The following OGA variants were observed in gnomAD, a reference collection of about 807,000 sequenced individuals.
OGA encodes protein O-GlcNAcase.
A neutral mutation model predicts 102.0 loss-of-function variants in OGA; 21 were observed. That is an observed-to-expected ratio of 0.21 (90% CI 0.15 to 0.30). The LOEUF (loss-of-function observed/expected upper bound fraction) is 0.30. Ranked by LOEUF, OGA falls within the 10% of genes least tolerant of loss-of-function variation. The pLI, the probability that OGA is intolerant of heterozygous loss-of-function variation, is 1.00. For missense variants in OGA, 765 were observed against 1,107.8 expected (o/e 0.69, Z 4.39); for synonymous variants, 408 against 378.2 (o/e 1.08, Z -0.91).
At chr10:101,797,654 T>C (rs994779977) in intron 10 of OGA, 4 of 469,622 alleles carry the variant, frequency 8.5e-6, no homozygotes, top group Non-Finnish European at 1.1e-5. Context: ...TTTCATAGTG[T>C]CTCATCTCCA....
rs1464432648 is a variant in OGA, at chr10:101,785,614, A to G, written c.*837T>C. On this transcript the variant is annotated 3_prime_UTR_variant, in exon 16 of 16. Transcript: ENST00000361464. ...CACTTTAAAAATAATAAAACTTCAAAAAGAACAAAAACAACCCCAAACCCA... is the reference window on the plus strand; with the variant it reads ...CACTTTAAAAATAATAAAACTTCAAGAAGAACAAAAACAACCCCAAACCCA... The G allele has an allele frequency of 6.6e-6, 1 of 152,604 alleles. No individual in the cohort carries two copies. Among genetic ancestry groups the G allele is most frequent in the African/African-American group, 2.4e-5 (1 of 41,462 alleles). 9.5% of individuals were successfully genotyped at this position (152,604 alleles called of 1,614,324 possible).
rs750357754 is a variant in OGA at position 101,817,996 on chromosome 10, C to T, written c.27G>A (p.Thr9=). Residue 9 remains threonine, a synonymous_variant, in exon 1 of 16, where the codon ACG becomes ACA. Transcript: ENST00000361464. The stretch of plus-strand genomic sequence containing the variant: ...TGAGCTCGCTCTCCCGCTCCTCCAA[C>T]GTCGCTTGACTCTCCTTCTGCACCA... The part of the protein sequence containing the change: MVQKESQA[T]LEERESELSS... 1 of 1,603,180 alleles carries T rather than the reference C, an allele frequency of 6.2e-7. No homozygotes were observed. The highest frequency in any genetic ancestry group is 1.1e-5 in the South Asian group (1 of 90,458).
In OGA at chr10:101,791,099, G is replaced by A. The variant is rs770070654; in HGVS notation, c.2262-11C>T. ...AGCCCTCCTACTAACCTGCTCAGAA[G>A]GAAAGAGGCCACAGTAAACTTTTCA... On this transcript the variant is annotated splice_polypyrimidine_tract_variant and intron_variant, in intron 13 of 15. Coordinates refer to ENST00000361464, the MANE Select transcript of OGA (RefSeq NM_012215.5). 1 of 1,585,472 alleles carries A rather than the reference G, an allele frequency of 6.3e-7. No homozygotes were observed. The highest frequency in any genetic ancestry group is 1.2e-5 in the South Asian group (1 of 85,796).
In OGA at chr10:101,803,768, T is replaced by C; in HGVS notation, c.1003A>G (p.Asn335Asp). ...ACATCTTTTCTCACTCCATTCATGT[T>C]TGATTTGTACCAGGTGGCAAGGGTG... ...IHTLATWYKS[N>D]MNGVRKDVVM... The change falls in exon 7 of 16, where the codon AAC (asparagine) becomes GAC (aspartate). Residue 335 changes from asparagine to aspartate, a missense_variant. Physicochemically the swap from Asn to Asp is conservative, Grantham distance 23. Coordinates refer to ENST00000361464, the MANE Select transcript of OGA (RefSeq NM_012215.5). 1 of 1,614,182 alleles carries C rather than the reference T, an allele frequency of 6.2e-7. No individual in the cohort carries two copies. Among genetic ancestry groups the C allele is most frequent in the South Asian group, 1.1e-5 (1 of 91,084 alleles).
Position 101,798,961 on chromosome 10 carries a change from G to A in OGA, c.1690C>T (p.Leu564=). Residue 564 remains leucine, a synonymous_variant, in exon 9 of 16, where the codon CTA becomes TTA. Transcript: ENST00000361464. ...TLEDLQLLAD[L]FYLPYEHGPK... is the part of the protein sequence containing the mutation. ...CCATGCTCGTAAGGAAGGTAGAATA[G>A]ATCAGCAAGTAACTGCAAATCCTCC... 1 of 1,614,200 alleles carries A rather than the reference G, an allele frequency of 6.2e-7. No individual in the cohort carries two copies. Among genetic ancestry groups the A allele is most frequent in the Non-Finnish European group, 8.5e-7 (1 of 1,180,030 alleles).
chr10:101,812,906 A>G, intron 3 of OGA, 124 bp downstream of exon 3: 1 of 799,356 alleles, frequency 1.3e-6, no homozygotes. Context: ...GTTACCAGAT[A>G]GAAGAAAAGG....
At chr10:101,815,963 G>GAAAAAAAAAAAAAAA (rs1364147466) in intron 1 of OGA, among the ~76,000 whole-genome samples, 3 of 44,962 alleles carry the variant, frequency 6.7e-5, no homozygotes, top group East Asian at 4.2e-4. Flanking sequence ...CAAAAAGAGA[G>GAAAAAAAAAAAAAAA]AAAAAAAAAA....
Position 101,787,475 on chromosome 10 carries a change from A to G in OGA, c.2503T>C (p.Phe835Leu), listed in dbSNP as rs776820028. 1 of 1,613,804 alleles carries G rather than the reference A, an allele frequency of 6.2e-7. No homozygotes were observed. Among genetic ancestry groups the G allele is most frequent in the Admixed American group, 1.7e-5 (1 of 60,020 alleles). Residue 835 changes from phenylalanine to leucine, a missense_variant, in exon 15 of 16, where the codon TTC becomes CTC. By Grantham distance (22) the Phe-to-Leu change is conservative. Transcript: ENST00000361464. ...ATCAGAGAAGGGAAATTAGCAAGGA[A>G]AGTTTCTGGCAGTACTTCCTGTTCT... is the stretch of plus-strand genomic sequence containing the variant. ...HEEQEVLPET[F>L]LANFPSLIKM...
intron 7 of OGA, among the ~76,000 whole-genome samples, chr10:101,800,771 CTTTTTTTTTTTTTTT>C (rs771355527): frequency 8.5e-6 from 1 of 117,646 alleles, no homozygotes; most frequent in Non-Finnish European, 1.8e-5. Flanking sequence ...CTTGTAACTT[CTTTTTTTTTTTTTTT>C]TTTTTTGAGA....
At chr10:101,803,666 T>C in intron 7 of OGA, 69 bp downstream of exon 7, 1 of 1,419,392 alleles carries the variant, frequency 7.0e-7, no homozygotes, top group Non-Finnish European at 9.7e-7. Flanking sequence ...AAGGAATGCA[T>C]ACTTTCCACT....
At chr10:101,786,990 G>A (rs1487722825) in intron 15 of OGA, among the ~76,000 whole-genome samples, 5 of 151,208 alleles carry the variant, frequency 3.3e-5, no homozygotes, top group African/African-American at 2.4e-5. Flanking sequence ...CTCATGATCC[G>A]CCCACTTCGG....
intron 1 of OGA, among the ~76,000 whole-genome samples, chr10:101,814,823 A>G (rs2065600903): frequency 6.6e-6 from 1 of 152,240 alleles, no homozygotes; most frequent in South Asian, 2.1e-4. Flanking sequence ...CTCTAAGAGG[A>G]CAAAACACTA....
rs2065579619 is a variant in OGA at position 101,813,042 on chromosome 10, C to T, written c.337G>A (p.Val113Met). 1 of 1,609,086 alleles carries T rather than the reference C, an allele frequency of 6.2e-7. No individual in the cohort carries two copies. The highest frequency in any genetic ancestry group is 8.5e-7 in the Non-Finnish European group (1 of 1,176,842). ...HRMFWREMYS[V>M]EEAEQLMTLI... is the part of the protein sequence containing the mutation. The stretch of plus-strand genomic sequence containing the variant: ...AGAAAAAGATTACCAGCTTCCTCCA[C>T]TGAATACATCTCTCGCCAAAACATC... The change falls in exon 3 of 16, where the codon GTG becomes ATG. Residue 113 changes from valine to methionine, a missense_variant. Coordinates refer to ENST00000361464, the MANE Select transcript of OGA (RefSeq NM_012215.5).
At chr10:101,795,183 T>G (rs1223345815) in intron 10 of OGA, among the ~76,000 whole-genome samples, 1 of 152,194 alleles carries the variant, frequency 6.6e-6, no homozygotes, top group East Asian at 1.9e-4. Flanking sequence ...ACTATACCTC[T>G]CAAACTTTAA....
At chr10:101,816,320 C>CT (rs2135104090) in intron 1 of OGA, among the ~76,000 whole-genome samples, 1 of 152,234 alleles carries the variant, frequency 6.6e-6, no homozygotes, top group Non-Finnish European at 1.5e-5. Flanking sequence ...TGCTCAGTCA[C>CT]TAAGAAAATA....
In OGA at chr10:101,786,599, A is replaced by G; in HGVS notation, c.2615-12T>C. 1 of 1,568,630 alleles carries G rather than the reference A, an allele frequency of 6.4e-7. No individual in the cohort carries two copies. The highest frequency in any genetic ancestry group is 1.2e-5 in the South Asian group (1 of 82,306). On this transcript the variant is annotated splice_polypyrimidine_tract_variant and intron_variant, in intron 15 of 15. Coordinates refer to ENST00000361464, the MANE Select transcript of OGA (RefSeq NM_012215.5). ...AGCTCCCCGGGAGCCTAGAAATAAA[A>G]CAAATATTCAAAACATAAATAAGTC...
At chr10:101,793,678 G>A (rs2065283639) in intron 11 of OGA, 2 of 416,826 alleles carry the variant, frequency 4.8e-6, no homozygotes, top group Middle Eastern at 7.3e-4. Context: ...ACAATGTGAA[G>A]TGTATACCTA....
chr10:101,794,318 C>G (rs2065291712), intron 10 of OGA, among the ~76,000 whole-genome samples: 1 of 152,154 alleles, frequency 6.6e-6, no homozygotes, highest in South Asian at 2.1e-4. Context: ...GCTGCTTGCT[C>G]TGTCATAAAA....
At chr10:101,817,559 C>G (rs1382700355) in intron 1 of OGA, among the ~76,000 whole-genome samples, 1 of 152,140 alleles carries the variant, frequency 6.6e-6, no homozygotes, top group Non-Finnish European at 1.5e-5. Flanking sequence ...AGGCTCTTAA[C>G]CACCGCCTCC....
Sources: allele counts gnomAD v4.1 joint callset (sites outside exome capture counted in the v4.1 genomes callset), GRCh38; gene constraint gnomAD v4.1.1; transcripts MANE v1.5; gene names NCBI Gene and HGNC (gene_info 2026-07-23, HGNC 2026-07-21).